The following PAQR5 variants were observed in gnomAD, a reference collection of about 807,000 sequenced individuals.
The protein encoded by PAQR5 is membrane progestin receptor gamma.
PAQR5 carries 20 observed loss-of-function variants against 34.5 expected under a neutral mutation model. That is an observed-to-expected ratio of 0.58 (90% CI 0.41 to 0.84). The LOEUF (loss-of-function observed/expected upper bound fraction) is 0.84. Ranked by LOEUF, PAQR5 falls within the 40% of genes least tolerant of loss-of-function variation. PAQR5 has a pLI of 0.00. For missense variants in PAQR5, 378 were observed against 412.7 expected (o/e 0.92, Z 0.73); for synonymous variants, 131 against 155.6 (o/e 0.84, Z 1.18).
chr15:69,391,448 A>G, intron 6 of PAQR5: 1 of 225,236 alleles, frequency 4.4e-6, no homozygotes, highest in Non-Finnish European at 9.1e-6. Context: ...CATGGGAGTG[A>G]AAGTCTGTTT....
chr15:69,362,035 G>C (rs2055248357), intron 3 of PAQR5, among the ~76,000 whole-genome samples: 1 of 152,108 alleles, frequency 6.6e-6, no homozygotes, highest in African/African-American at 2.4e-5. Context: ...ATTTTGGTCA[G>C]GGTTGGATTC....
intron 3 of PAQR5, among the ~76,000 whole-genome samples, chr15:69,377,297 G>A (rs904492633): frequency 4.6e-5 from 7 of 152,202 alleles, no homozygotes; most frequent in Non-Finnish European, 8.8e-5. Flanking sequence ...GTCCTGCCAA[G>A]CACGTGCCGT....
chr15:69,318,996 T>C (rs1566995602), intron 1 of PAQR5, among the ~76,000 whole-genome samples: 2 of 150,992 alleles, frequency 1.3e-5, no homozygotes, highest in African/African-American at 4.9e-5. Context: ...TAGCTAGGCG[T>C]GGTAGGGGGC....
chr15:69,318,745 A>T (rs1252389527), intron 1 of PAQR5, among the ~76,000 whole-genome samples: 1 of 152,054 alleles, frequency 6.6e-6, no homozygotes, highest in African/African-American at 2.4e-5. Context: ...TTTCCTGTAT[A>T]TACATACCTA....
intron 1 of PAQR5, among the ~76,000 whole-genome samples, chr15:69,316,446 T>C (rs886682450): frequency 6.6e-6 from 1 of 152,236 alleles, no homozygotes; most frequent in Non-Finnish European, 1.5e-5. Flanking sequence ...TTAATAATGC[T>C]ACAATAATGA....
chr15:69,360,151 T>A lies in PAQR5; in HGVS notation c.51+20T>A. The A allele has an allele frequency of 6.3e-7, 1 of 1,596,972 alleles. No individual in the cohort carries two copies. The highest frequency in any genetic ancestry group is 8.6e-7 in the Non-Finnish European group (1 of 1,164,566). ...CCCCAGGTATGTGCTCTATTGATTA[T>A]GATGGTTCATTTCCAGAGTGTGACC... On this transcript the variant is annotated intron_variant, in intron 3 of 8. Coordinates refer to ENST00000395407, the MANE Select transcript of PAQR5 (RefSeq NM_017705.4).
At chr15:69,306,412 C>T (rs550844108) in intron 1 of PAQR5, among the ~76,000 whole-genome samples, 5 of 127,626 alleles carry the variant, frequency 3.9e-5, no homozygotes, top group South Asian at 2.5e-4. Flanking sequence ...ACCATTTAAC[C>T]TTTTTTTTTT....
chr15:69,393,347 G>A (rs1020874549), intron 6 of PAQR5, among the ~76,000 whole-genome samples: 4 of 146,620 alleles, frequency 2.7e-5, no homozygotes, highest in African/African-American at 1.0e-4. Context: ...TGCTGGCCCT[G>A]AGTAATTTCA....
chr15:69,386,767 C>T (rs865976044), intron 5 of PAQR5, among the ~76,000 whole-genome samples: 13 of 152,050 alleles, frequency 8.5e-5, no homozygotes, highest in African/African-American at 1.7e-4. Context: ...CTTCCACCTC[C>T]GGAGAAACCC....
At chr15:69,309,630 A>G (rs568318397) in intron 1 of PAQR5, among the ~76,000 whole-genome samples, 21 of 152,174 alleles carry the variant, frequency 1.4e-4, no homozygotes, top group Admixed American at 6.5e-5. Flanking sequence ...AGTTCCACGC[A>G]TGTGTTAGAA....
chr15:69,339,572 A>C (rs2054592585), intron 2 of PAQR5, among the ~76,000 whole-genome samples: 1 of 152,118 alleles, frequency 6.6e-6, no homozygotes, highest in African/African-American at 2.4e-5. Context: ...TCCCAGGTTC[A>C]AGCAATTCTC....
rs184711007 is a variant in PAQR5, at chr15:69,327,577, G to C, written c.-276-9764G>C. Among the ~76,000 whole-genome samples the C allele has an allele frequency of 3.3e-5, 5 of 152,194 alleles. No individual in the cohort carries two copies. In the East Asian group the frequency reaches 9.7e-4, roughly 29 times the overall value. On this transcript the variant is annotated intron_variant, in intron 1 of 8. Transcript: ENST00000395407. ...TGAGATTCACTAACATTCACCTGCA[G>C]GCATATTAAGCAAGTGCCTGCAGGT...
intron 2 of PAQR5, among the ~76,000 whole-genome samples, chr15:69,355,295 TCTTTC>T (rs2140813671): frequency 1.1e-5 from 1 of 94,402 alleles, no homozygotes; most frequent in South Asian, 3.8e-4. Context: ...TTCTTTTCTT[TCTTTC>T]TTTCTTTCTT....
intron 1 of PAQR5, among the ~76,000 whole-genome samples, chr15:69,304,115 G>A (rs534110155): frequency 6.6e-6 from 1 of 152,228 alleles, no homozygotes; most frequent in Admixed American, 6.5e-5. Flanking sequence ...TCTGTAATGG[G>A]GCCTTCTTCT....
At chr15:69,380,889 G>A (rs1244596106) in intron 4 of PAQR5, among the ~76,000 whole-genome samples, 2 of 152,238 alleles carry the variant, frequency 1.3e-5, no homozygotes, top group African/African-American at 4.8e-5. Flanking sequence ...GTCATGTTGA[G>A]AAGAGATGAG....
chr15:69,387,894 C>G lies in PAQR5; in HGVS notation c.386-1760C>G, dbSNP rs752920008. On this transcript the variant is annotated intron_variant, in intron 5 of 8. Transcript: ENST00000395407. ...CCTGCCCTGTGCCCTTCCTCCAACC[C>G]CCAGACCTGGATATACCCCCACCAT... 9.6e-5 allele frequency among the ~76,000 whole-genome samples: 7 copies of G among 73,000 alleles called. No homozygotes were observed. The South Asian group carries it at 3.7e-3, about 39-fold the overall frequency. 47.9% of individuals were successfully genotyped at this position (73,000 alleles called of 152,430 possible).
chr15:69,316,919 A>G (rs534347100), intron 1 of PAQR5, among the ~76,000 whole-genome samples: 42 of 152,284 alleles, frequency 2.8e-4, no homozygotes, highest in Non-Finnish European at 5.6e-4. Flanking sequence ...TCCTGGGTTT[A>G]AGCAATTCTC....
intron 3 of PAQR5, among the ~76,000 whole-genome samples, chr15:69,369,342 C>A (rs568872144): frequency 6.6e-6 from 1 of 152,100 alleles, no homozygotes; most frequent in African/African-American, 2.4e-5. Flanking sequence ...TCGAAACCAG[C>A]CTGACCAACA....
chr15:69,388,408 T>C lies in PAQR5; in HGVS notation c.386-1246T>C, dbSNP rs201458029. ...TTCCAAGATCAGCTCCTGTGCCTTGTGCTCCACCCATCCCGAAAGCCTGCC... is the reference window on the plus strand; with the variant it reads ...TTCCAAGATCAGCTCCTGTGCCTTGCGCTCCACCCATCCCGAAAGCCTGCC... On this transcript the variant is annotated intron_variant, in intron 5 of 8. Transcript: ENST00000395407. Among the ~76,000 whole-genome samples the C allele has an allele frequency of 2.2e-4, 33 of 152,360 alleles. No individual in the cohort carries two copies. In the East Asian group the frequency reaches 2.5e-3, roughly 12 times the overall value.
Sources: allele counts gnomAD v4.1 joint callset (sites outside exome capture counted in the v4.1 genomes callset), GRCh38; gene constraint gnomAD v4.1.1; transcripts MANE v1.5; gene names NCBI Gene and HGNC (gene_info 2026-07-23, HGNC 2026-07-21).